HK2: variants seen among roughly 807,000 people sequenced by gnomAD.
HK2 encodes hexokinase-2.
In HK2, 42 loss-of-function variants were observed where a neutral mutation model predicts 92.9. That is an observed-to-expected ratio of 0.45 (90% confidence interval 0.35 to 0.58). The LOEUF (loss-of-function observed/expected upper bound fraction) is 0.58, where lower values mean the gene tolerates loss of function less well. Among genes scored for constraint, HK2 ranks in the 20% least tolerant of loss-of-function variants. The pLI, the probability that HK2 is intolerant of heterozygous loss-of-function variation, is 0.00. For synonymous variants in HK2, 422 were observed against 468.0 expected (o/e 0.90, Z 1.27); for missense variants, 978 against 1,245.1 (o/e 0.79, Z 3.23).
chr2:74,860,079 C>T (rs780381349), intron 2 of HK2, among the ~76,000 whole-genome samples: 3 of 151,954 alleles, frequency 2.0e-5, no homozygotes, highest in Non-Finnish European at 1.5e-5. Context: ...CAGACAAATA[C>T]CGCACGTTTT....
intron 2 of HK2, among the ~76,000 whole-genome samples, chr2:74,859,629 C>T (rs1451295286): frequency 6.6e-6 from 1 of 151,604 alleles, no homozygotes; most frequent in Non-Finnish European, 1.5e-5. Flanking sequence ...AGCGAGACTC[C>T]ATCTCAAAAA....
chr2:74,872,617 C>T (rs1189826753), intron 4 of HK2, among the ~76,000 whole-genome samples, 198 bp downstream of exon 4: 2 of 152,034 alleles, frequency 1.3e-5, no homozygotes, highest in African/African-American at 4.8e-5. Context: ...CCCTTTATCA[C>T]CCTCTCTCCC....
At chr2:74,858,065 G>A (rs887079841) in intron 2 of HK2, among the ~76,000 whole-genome samples, 4 of 152,292 alleles carry the variant, frequency 2.6e-5, no homozygotes, top group Non-Finnish European at 4.4e-5. Flanking sequence ...GATCTAGAGG[G>A]AGCCAATTTT....
intron 2 of HK2, among the ~76,000 whole-genome samples, chr2:74,860,498 T>C (rs916341153): frequency 6.6e-6 from 1 of 152,242 alleles, no homozygotes; most frequent in East Asian, 1.9e-4. Context: ...ACTTCACATA[T>C]AAATCGACTC....
intron 2 of HK2, among the ~76,000 whole-genome samples, chr2:74,860,205 T>TGG (rs1439621911): frequency 2.4e-5 from 1 of 42,264 alleles, no homozygotes; most frequent in African/African-American, 1.2e-4. Context: ...GGTAGGAGGG[T>TGG]GGGGGGTGGT....
intron 1 of HK2, among the ~76,000 whole-genome samples, chr2:74,838,817 A>G (rs1163932631): frequency 1.3e-5 from 2 of 152,092 alleles, no homozygotes; most frequent in East Asian, 3.9e-4. Context: ...GGATTACAGG[A>G]GTGAGCCACC....
intron 2 of HK2, among the ~76,000 whole-genome samples, chr2:74,858,944 G>A (rs1474423272): frequency 6.6e-6 from 1 of 152,188 alleles, no homozygotes; most frequent in Non-Finnish European, 1.5e-5. Context: ...AGGTTGTGTG[G>A]CCTACACAGT....
At chr2:74,876,722 A>G (rs553820035) in intron 7 of HK2, among the ~76,000 whole-genome samples, 1 of 152,354 alleles carries the variant, frequency 6.6e-6, no homozygotes, top group African/African-American at 2.4e-5. Flanking sequence ...AGGGGTGGAC[A>G]GTATGAGCTG....
At position 74,880,523 on chromosome 2, in the gene HK2, C is replaced by T. The variant is rs142174869; in HGVS notation, c.1524C>T (p.Pro508=). The T allele has an allele frequency of 1.1e-4, 178 of 1,614,180 alleles. No individual in the cohort carries two copies. The highest frequency in any genetic ancestry group is 1.4e-4 in the Non-Finnish European group (165 of 1,179,998). ...GCAAGGAGACTCATGCCAGTGCCCC[C>T]GTCAAGATGCTGCCCACCTACGTGT... is the stretch of plus-strand genomic sequence containing the variant. ...GLSKETHASA[P]VKMLPTYVCA... is the part of the protein sequence containing the mutation. The change falls in exon 10 of 18, where the codon CCC becomes CCT. Residue 508 remains proline (P), a synonymous_variant. Transcript: ENST00000290573.
intron 1 of HK2, among the ~76,000 whole-genome samples, chr2:74,850,048 G>A (rs1263042312): frequency 5.3e-5 from 8 of 152,150 alleles, no homozygotes; most frequent in Admixed American, 5.2e-4. Context: ...GGTCACACCT[G>A]GCCTAATATC....
At chr2:74,870,003 T>TTC (rs1282679334) in intron 3 of HK2, among the ~76,000 whole-genome samples, 3 of 50,216 alleles carry the variant, frequency 6.0e-5, no homozygotes, top group African/African-American at 3.6e-4. Context: ...TTTCTTTTCT[T>TTC]TTTTTTTTTT....
intron 8 of HK2, among the ~76,000 whole-genome samples, chr2:74,878,066 C>A (rs905247151): frequency 6.6e-6 from 1 of 152,132 alleles, no homozygotes; most frequent in African/African-American, 2.4e-5. Context: ...CAAGGTGATG[C>A]AAGTACCCCA....
Position 74,834,935 on chromosome 2 carries a change from A to C in HK2, c.63+292A>C, listed in dbSNP as rs942377157. On this transcript the variant is annotated intron_variant, in intron 1 of 17. Coordinates refer to ENST00000290573, the MANE Select transcript of HK2 (RefSeq NM_000189.5). The surrounding 1 kb of genome is among the most constrained non-coding windows in gnomAD (Gnocchi z 4.2). The stretch of plus-strand genomic sequence containing the variant: ...CCAGTCCCTTTTTCCCTGTTACTGG[A>C]GGGGCGGGTCACCCCGCAGGTAGTC... 6.6e-6 allele frequency among the ~76,000 whole-genome samples: 1 copy of C among 152,006 alleles called. No homozygotes were observed. The highest frequency in any genetic ancestry group is 1.5e-5 in the Non-Finnish European group (1 of 67,994).
In HK2 at chr2:74,852,455, C is replaced by T. The variant is rs192736007; in HGVS notation, c.64-1838C>T. ...CTTGTCTAGTGTCAGGCTGAAGCTG[C>T]ACCCTTTTTCCTCCTGGGGAGCCTC... On this transcript the variant is annotated intron_variant, in intron 1 of 17. Coordinates refer to ENST00000290573, the MANE Select transcript of HK2 (RefSeq NM_000189.5). Among the ~76,000 whole-genome samples, 72 of 152,282 alleles carry T rather than the reference C, an allele frequency of 4.7e-4. 2 individuals carry two copies. The highest frequency in any genetic ancestry group is 3.4e-3 in the Admixed American group (52 of 15,304).
At chr2:74,869,820 T>C (rs1175620826) in intron 3 of HK2, among the ~76,000 whole-genome samples, 1 of 152,120 alleles carries the variant, frequency 6.6e-6, no homozygotes, top group African/African-American at 2.4e-5. Flanking sequence ...CTCTTCCCAC[T>C]TGAGAAAAGA....
rs200701419 is a variant in HK2, at chr2:74,889,374, C to T, written c.2505C>T (p.Gly835=). The change falls in exon 17 of 18, where the codon GGC becomes GGT. Residue 835 remains glycine, a synonymous_variant. Coordinates refer to ENST00000290573, the MANE Select transcript of HK2 (RefSeq NM_000189.5). ...VVARRAAQLC[G]AGMAAVVDRI... ...CCCGGCGGGCAGCCCAGCTCTGTGG[C>T]GCAGGCATGGCCGCTGTGGTGGACA... 8.1e-6 allele frequency: 13 copies of T among 1,614,012 alleles called. No homozygotes were observed. Among genetic ancestry groups the T allele is most frequent in the Middle Eastern group, 1.6e-4 (1 of 6,084 alleles).
Position 74,888,183 on chromosome 2 carries a change from T to G in HK2, c.2375+125T>G, listed in dbSNP as rs56695047. 1,170 of 975,478 alleles carry G rather than the reference T, an allele frequency of 1.2e-3. 10 individuals are homozygous for G. In the African/African-American group the frequency reaches 0.016, roughly 14 times the overall value. The allele number at this position is 975,478 out of a possible 1,614,324, so 60.4% of individuals were successfully genotyped here. On this transcript the variant is annotated intron_variant, in intron 16 of 17. Transcript: ENST00000290573. ...AAAGTCAGTTTAGTGGCAAACACAT[T>G]CATGTCTATAGTGTTTACTAAAAGC... is the stretch of plus-strand genomic sequence containing the variant.
intron 2 of HK2, among the ~76,000 whole-genome samples, chr2:74,854,784 A>G (rs1688655924): frequency 2.0e-5 from 3 of 152,160 alleles, no homozygotes; most frequent in Non-Finnish European, 4.4e-5. Context: ...ATGGTGATGA[A>G]CTACAACAAA....
At chr2:74,876,809 G>A (rs1356367930) in intron 7 of HK2, among the ~76,000 whole-genome samples, 1 of 152,166 alleles carries the variant, frequency 6.6e-6, no homozygotes, top group African/African-American at 2.4e-5. Context: ...GGCTATGTAA[G>A]ATATTAATTT....
Sources: allele counts gnomAD v4.1 joint callset (sites outside exome capture counted in the v4.1 genomes callset), GRCh38; gene constraint gnomAD v4.1.1; non-coding constraint Gnocchi (gnomAD v3.1); transcripts MANE v1.5; gene names NCBI Gene and HGNC (gene_info 2026-07-23, HGNC 2026-07-21).